Variants in HOXB3 observed in about 807,000 individuals in gnomAD.
The protein encoded by HOXB3 is homeobox B3, also known as homeobox protein Hox-B3.
In HOXB3, 17 loss-of-function variants were observed where a neutral mutation model predicts 29.2. That is an observed-to-expected ratio of 0.58 (90% CI 0.40 to 0.87). The LOEUF is 0.87. Ranked by LOEUF, HOXB3 falls within the 40% of genes least tolerant of loss-of-function variation. The probability of loss-of-function intolerance (pLI) is 0.00; values close to 1 mark genes in which losing one functional copy is unlikely to be tolerated. For synonymous variants in HOXB3, 317 were observed against 285.9 expected (o/e 1.11, Z -1.10); for missense variants, 637 against 616.3 (o/e 1.03, Z -0.35).
At chr17:48,551,740 C>T (rs923056564) in intron 4 of HOXB3, among the ~76,000 whole-genome samples, 2 of 152,250 alleles carry the variant, frequency 1.3e-5, no homozygotes, top group Non-Finnish European at 2.9e-5. Flanking sequence ...GACTCTGCAT[C>T]CTCCCGGCAG....
chr17:48,572,562 T>C (rs956056178), intron 2 of HOXB3, among the ~76,000 whole-genome samples: 6 of 152,054 alleles, frequency 3.9e-5, no homozygotes, highest in African/African-American at 1.4e-4. Context: ...GGTGAAATAG[T>C]AAAGAGATGA....
At chr17:48,578,645 G>C in intron 1 of HOXB3, 1 of 314,964 alleles carries the variant, frequency 3.2e-6, no homozygotes, top group Non-Finnish European at 5.9e-6. Context: ...GAGCGAGAGA[G>C]AGAGCGCGCG....
At chr17:48,551,290 A>T (rs943093922) in intron 4 of HOXB3, 109 bp from the exon 5 acceptor site, 85 of 1,186,260 alleles carry the variant, frequency 7.2e-5, no homozygotes, top group Non-Finnish European at 9.0e-5. Context: ...GCCTGGACTC[A>T]GAGCCCCCGC....
chr17:48,573,444 A>G (rs1165140117), intron 2 of HOXB3, among the ~76,000 whole-genome samples: 5 of 152,174 alleles, frequency 3.3e-5, no homozygotes, highest in Non-Finnish European at 7.4e-5. Context: ...GCAGAGTCAC[A>G]GGAACACACC....
chr17:48,575,624 T>G (rs1297804030), intron 1 of HOXB3: 2 of 152,392 alleles, frequency 1.3e-5, no homozygotes, highest in Admixed American at 1.3e-4. Flanking sequence ...GGGGCCTGGT[T>G]TTGGAATGTC....
intron 1 of HOXB3, among the ~76,000 whole-genome samples, chr17:48,586,328 T>C (rs1174800347): frequency 1.3e-5 from 2 of 152,160 alleles, no homozygotes; most frequent in Admixed American, 6.5e-5. Flanking sequence ...CTCTCCAGGC[T>C]CCCAAATTTC....
At chr17:48,576,788 C>G in intron 1 of HOXB3, 1 of 1,614,184 alleles carries the variant, frequency 6.2e-7, no homozygotes, top group Non-Finnish European at 8.5e-7. Flanking sequence ...CCGCACCACC[C>G]GAGCGGATCT....
rs757435856 is a variant in HOXB3 at position 48,554,767 on chromosome 17, G to C, written c.-159+764C>G. 2.8e-6 allele frequency: 2 copies of C among 702,236 alleles called. No homozygotes were observed. The highest frequency in any genetic ancestry group is 3.5e-5 in the African/African-American group (2 of 57,252). 43.5% of individuals were successfully genotyped at this position (702,236 alleles called of 1,614,324 possible). On this transcript the variant is annotated intron_variant, in intron 3 of 4. Coordinates refer to ENST00000498678, the MANE Select transcript of HOXB3 (RefSeq NM_001384749.1). The surrounding 1 kb of genome is among the most constrained non-coding windows in gnomAD (Gnocchi z 4.1). The stretch of plus-strand genomic sequence containing the variant: ...CAAGTTTTGGGAGCTGGAGGTAACC[G>C]AATTAAAAGGCGCCTTAGAAACTCC...
At chr17:48,585,613 G>A (rs997196130) in intron 1 of HOXB3, among the ~76,000 whole-genome samples, 1 of 152,176 alleles carries the variant, frequency 6.6e-6, no homozygotes, top group Non-Finnish European at 1.5e-5. Context: ...CAACCCGTGC[G>A]CTTTCGGTTT....
chr17:48,574,797 T>C (rs2069708223), intron 1 of HOXB3, among the ~76,000 whole-genome samples: 1 of 152,196 alleles, frequency 6.6e-6, no homozygotes, highest in Admixed American at 6.5e-5. Flanking sequence ...AGAAAGCTAT[T>C]TGGTCCCCAG....
At chr17:48,566,100 T>C (rs1288505531) in intron 2 of HOXB3, among the ~76,000 whole-genome samples, 2 of 152,212 alleles carry the variant, frequency 1.3e-5, no homozygotes, top group Non-Finnish European at 2.9e-5. Context: ...CTTAGAGCTC[T>C]GTCTACCAGA....
In HOXB3 at chr17:48,574,265, G is replaced by T. The variant is rs1422405249; in HGVS notation, c.-424-251C>A. On this transcript the variant is annotated intron_variant, in intron 1 of 4. Coordinates refer to ENST00000498678, the MANE Select transcript of HOXB3 (RefSeq NM_001384749.1). Reference sequence around the variant, plus strand: ...AGAACTATTTTCCCCCTCAACTGGGGCTGCGGCATCCCCTTGCAGCTAAAC... The same window carrying T: ...AGAACTATTTTCCCCCTCAACTGGGTCTGCGGCATCCCCTTGCAGCTAAAC... The T allele has an allele frequency of 2.9e-5, 5 of 175,304 alleles. No homozygotes were observed. In the East Asian group the frequency reaches 8.3e-4, roughly 29 times the overall value. The allele number at this position is 175,304 out of a possible 1,614,324, so 10.9% of individuals were successfully genotyped here.
intron 1 of HOXB3, chr17:48,578,372 C>CT (rs1359828436): frequency 3.8e-6 from 6 of 1,568,016 alleles, no homozygotes; most frequent in Non-Finnish European, 5.2e-6. Flanking sequence ...CGACCCCTGA[C>CT]TCGTTTTCCT....
chr17:48,568,695 ACACC>A (rs2069475074), intron 2 of HOXB3, among the ~76,000 whole-genome samples: 3 of 152,140 alleles, frequency 2.0e-5, no homozygotes, highest in African/African-American at 7.2e-5. Context: ...TGAGAAGCTG[ACACC>A]CATATTGCTA....
At chr17:48,589,185 C>A (rs2144925137) in intron 1 of HOXB3, among the ~76,000 whole-genome samples, 1 of 152,172 alleles carries the variant, frequency 6.6e-6, no homozygotes, top group Middle Eastern at 3.4e-3. Flanking sequence ...GAGGGTGTGC[C>A]CAGAAAAGAA....
intron 1 of HOXB3, chr17:48,578,090 G>A: frequency 9.2e-7 from 1 of 1,088,312 alleles, no homozygotes. Flanking sequence ...GGGTGGTGGC[G>A]GAGGCGGCGG....
At chr17:48,567,519 G>C (rs1477535712) in intron 2 of HOXB3, among the ~76,000 whole-genome samples, 1 of 152,134 alleles carries the variant, frequency 6.6e-6, no homozygotes, top group African/African-American at 2.4e-5. Flanking sequence ...ATTCCCCAAA[G>C]CCACCTCTGG....
In HOXB3 at chr17:48,549,563, G is replaced by C. The variant is rs928840504; in HGVS notation, c.*771C>G. ...CTGTGGAGAGGGGGATGGAGCTGGAGCTGAGATGGAGGCAGCAGAATGGGC... is the reference window on the plus strand; with the variant it reads ...CTGTGGAGAGGGGGATGGAGCTGGACCTGAGATGGAGGCAGCAGAATGGGC... On this transcript the variant is annotated 3_prime_UTR_variant, in exon 5 of 5. Coordinates refer to ENST00000498678, the MANE Select transcript of HOXB3 (RefSeq NM_001384749.1). 4.6e-5 allele frequency: 7 copies of C among 152,622 alleles called. No individual in the cohort carries two copies. The highest frequency in any genetic ancestry group is 7.3e-5 in the Non-Finnish European group (5 of 68,050). 9.5% of individuals were successfully genotyped at this position (152,622 alleles called of 1,614,324 possible). A position where few individuals can be genotyped will look rare whatever the true frequency, so the allele number is the denominator to read the frequency against.
At chr17:48,588,013 G>A (rs907603271) in intron 1 of HOXB3, among the ~76,000 whole-genome samples, 2 of 152,218 alleles carry the variant, frequency 1.3e-5, no homozygotes, top group Admixed American at 1.3e-4. Context: ...AAAGCAGGTG[G>A]GAGAGGAGGG....
Sources: gnomAD v4.1 joint callset for allele counts (sites outside exome capture counted in the v4.1 genomes callset) on GRCh38, gnomAD v4.1.1 for gene constraint, Gnocchi (gnomAD v3.1) non-coding constraint, MANE v1.5 for transcripts, NCBI Gene and HGNC (gene_info 2026-07-23, HGNC 2026-07-21) for gene names.